Variants in EPHA6 observed in about 807,000 individuals in gnomAD.
EPHA6 encodes the protein EPH receptor A6, also known as ephrin type-A receptor 6.
Under a neutral mutation model 112.0 loss-of-function variants are expected in EPHA6, and 50 were observed. The observed-to-expected ratio is 0.45, with a 90% CI of 0.36 to 0.56. EPHA6 has a LOEUF of 0.56. Among genes scored for constraint, EPHA6 ranks in the 20% least tolerant of loss-of-function variants. The pLI is 0.00. For missense variants in EPHA6, 1,280 were observed against 1,417.4 expected (o/e 0.90, Z 1.56); for synonymous variants, 529 against 490.7 (o/e 1.08, Z -1.03).
rs370867750 is a variant in EPHA6, at chr3:97,110,529, T to C, written c.1115-115735T>C. On this transcript the variant is annotated intron_variant, in intron 3 of 17. Transcript: ENST00000389672. Reference sequence around the variant, plus strand: ...AACTCCTTCATTTTATTATATTATTTATTTATTTATTTAGAGACAGAGTCT... The same window carrying C: ...AACTCCTTCATTTTATTATATTATTCATTTATTTATTTAGAGACAGAGTCT... Among the ~76,000 whole-genome samples, 13 of 152,154 alleles carry C rather than the reference T, an allele frequency of 8.5e-5. No individual in the cohort carries two copies. In the South Asian group the frequency reaches 2.7e-3, roughly 32 times the overall value.
At chr3:97,687,551 G>A (rs1360297600) in intron 14 of EPHA6, among the ~76,000 whole-genome samples, 1 of 152,120 alleles carries the variant, frequency 6.6e-6, no homozygotes, top group Non-Finnish European at 1.5e-5. Context: ...AAAAGATCAA[G>A]GATCAATTAA....
At chr3:96,881,791 G>C (rs1188774211) in intron 2 of EPHA6, among the ~76,000 whole-genome samples, 2 of 152,212 alleles carry the variant, frequency 1.3e-5, no homozygotes, top group African/African-American at 4.8e-5. Context: ...TACAGGCATT[G>C]GGTAAATACA....
At chr3:97,331,574 T>A (rs1329351179) in intron 5 of EPHA6, among the ~76,000 whole-genome samples, 1 of 152,036 alleles carries the variant, frequency 6.6e-6, no homozygotes, top group African/African-American at 2.4e-5. Context: ...TCACCACTGA[T>A]CCCACAGAAA....
chr3:97,436,444 G>T (rs1011312043), intron 6 of EPHA6, among the ~76,000 whole-genome samples: 3 of 152,062 alleles, frequency 2.0e-5, no homozygotes, highest in Non-Finnish European at 4.4e-5. Flanking sequence ...ACATTTAAAT[G>T]GGAAAAAGTG....
rs945904323 is a variant in EPHA6, at chr3:97,751,688, A to G, written c.*2987A>G. Among the ~76,000 whole-genome samples, 11 of 152,318 alleles carry G rather than the reference A, an allele frequency of 7.2e-5. No individual in the cohort carries two copies. The highest frequency in any genetic ancestry group is 2.6e-4 in the African/African-American group (11 of 41,594). The stretch of plus-strand genomic sequence containing the variant: ...AAATTTTAGGTAATTAAATCTGTTT[A>G]ATATGCAAAGCATAAAACTTAATTA... On this transcript the variant is annotated 3_prime_UTR_variant, in exon 18 of 18. Transcript: ENST00000389672.
At chr3:97,720,796 A>G (rs1273186881) in intron 15 of EPHA6, among the ~76,000 whole-genome samples, 1 of 152,216 alleles carries the variant, frequency 6.6e-6, no homozygotes, top group African/African-American at 2.4e-5. Flanking sequence ...TTTAGACTAG[A>G]TATCACTTAG....
chr3:97,279,233 A>G (rs1255845004), intron 5 of EPHA6, among the ~76,000 whole-genome samples: 4 of 152,178 alleles, frequency 2.6e-5, no homozygotes, highest in Non-Finnish European at 5.9e-5. Flanking sequence ...AAAGAGAAAC[A>G]TGGTATTTTT....
At chr3:97,728,070 A>AACTT (rs5851076) in intron 15 of EPHA6, among the ~76,000 whole-genome samples, 149,191 of 152,050 alleles carry the variant, frequency 0.98, 73,215 homozygotes, top group East Asian at 0.99. Context: ...CTAGCTTTAG[A>AACTT]ACTTATGATT....
intron 2 of EPHA6, among the ~76,000 whole-genome samples, chr3:96,972,122 A>G (rs188425633): frequency 1.3e-5 from 2 of 152,216 alleles, no homozygotes; most frequent in Admixed American, 6.6e-5. Flanking sequence ...TTAAAAACGC[A>G]TTTAGTCTTT....
intron 2 of EPHA6, among the ~76,000 whole-genome samples, chr3:96,881,785 G>A (rs114171717): frequency 0.014 from 2,188 of 152,320 alleles, 58 homozygotes; most frequent in African/African-American, 0.05. Context: ...CCTGGGTACA[G>A]GCATTGGGTA....
chr3:96,815,069 G>A, intron 1 of EPHA6, 61 bp downstream of exon 1: 1 of 1,421,758 alleles, frequency 7.0e-7, no homozygotes, highest in South Asian at 1.5e-5. Flanking sequence ...GGAGAACCAG[G>A]GTACTGGTTG....
intron 6 of EPHA6, chr3:97,439,743 T>C: frequency 2.3e-6 from 1 of 441,106 alleles, no homozygotes; most frequent in Non-Finnish European, 3.0e-6. Context: ...AAGAATTATA[T>C]AGTTATTCTA....
chr3:97,405,112 C>G, intron 5 of EPHA6, 38 bp from the exon 6 acceptor site: 1 of 1,550,192 alleles, frequency 6.5e-7, no homozygotes. Flanking sequence ...GAAAATGATT[C>G]CTGCCAATTA....
Position 96,838,518 on chromosome 3 carries a change from A to G in EPHA6, c.385+23510A>G, listed in dbSNP as rs377740503. ...TGAACTAATTTACTTTCCCACCAAC[A>G]GTGTAAAAGTGTTTCTTTTTCTCTA... On this transcript the variant is annotated intron_variant, in intron 1 of 17. Transcript: ENST00000389672. 8.3e-4 allele frequency among the ~76,000 whole-genome samples: 127 copies of G among 152,256 alleles called. 1 individual carries two copies. The highest frequency in any genetic ancestry group is 2.9e-3 in the African/African-American group (121 of 41,562).
chr3:97,455,041 G>A (rs910128742), intron 7 of EPHA6, among the ~76,000 whole-genome samples: 2 of 151,924 alleles, frequency 1.3e-5, no homozygotes, highest in African/African-American at 4.8e-5. Flanking sequence ...AAACATCAGT[G>A]GGAAAGAGGA....
intron 8 of EPHA6, among the ~76,000 whole-genome samples, chr3:97,477,876 A>G (rs1216188383): frequency 6.6e-6 from 1 of 152,038 alleles, no homozygotes; most frequent in Non-Finnish European, 1.5e-5. Flanking sequence ...GGAGCTCTTA[A>G]CTACAAAGAC....
At chr3:97,356,944 A>G (rs1389172598) in intron 5 of EPHA6, among the ~76,000 whole-genome samples, 1 of 152,124 alleles carries the variant, frequency 6.6e-6, no homozygotes, top group Admixed American at 6.5e-5. Context: ...TTTGATTTAT[A>G]TATTTTGATG....
chr3:97,572,148 T>A (rs942121488), intron 11 of EPHA6, among the ~76,000 whole-genome samples: 4 of 112,932 alleles, frequency 3.5e-5, no homozygotes, highest in South Asian at 2.7e-4. Flanking sequence ...TCTCTTTTCC[T>A]TTTTTTTTTT....
intron 3 of EPHA6, among the ~76,000 whole-genome samples, chr3:97,174,047 C>G (rs1255424246): frequency 1.3e-5 from 2 of 151,736 alleles, no homozygotes; most frequent in Non-Finnish European, 3.0e-5. Context: ...ACTACCCTTC[C>G]CAGCCTCTGA....
Sources: gnomAD v4.1 joint callset for allele counts (sites outside exome capture counted in the v4.1 genomes callset) on GRCh38, gnomAD v4.1.1 for gene constraint, MANE v1.5 for transcripts, NCBI Gene and HGNC (gene_info 2026-07-23, HGNC 2026-07-21) for gene names.